Variants in RAB27B observed in about 807,000 individuals in gnomAD.
The protein encoded by RAB27B is ras-related protein Rab-27B.
A neutral mutation model predicts 24.6 loss-of-function variants in RAB27B; 15 were observed. The observed-to-expected ratio is 0.61, with a 90% CI of 0.41 to 0.94. The LOEUF (loss-of-function observed/expected upper bound fraction) is 0.94, where lower values mean the gene tolerates loss of function less well. Ranked by LOEUF, RAB27B falls within the 40% of genes least tolerant of loss-of-function variation. RAB27B has a pLI of 0.00. For missense variants in RAB27B, 261 were observed against 266.8 expected (o/e 0.98, Z 0.15); for synonymous variants, 105 against 92.5 (o/e 1.14, Z -0.78).
At chr18:54,860,835 T>C (rs1311608057) in intron 1 of RAB27B, among the ~76,000 whole-genome samples, 1 of 152,168 alleles carries the variant, frequency 6.6e-6, no homozygotes. Context: ...TTGGACTAAT[T>C]CCATGCTCTG....
chr18:54,768,570 C>G (rs180937380), intron 2 of RAB27B, among the ~76,000 whole-genome samples: 91 of 152,266 alleles, frequency 6.0e-4, no homozygotes, highest in Admixed American at 2.0e-3. Flanking sequence ...TGTCAGCAAT[C>G]TAACTCTCAT....
chr18:54,737,357 C>T (rs938760441), intron 2 of RAB27B, among the ~76,000 whole-genome samples: 1 of 152,170 alleles, frequency 6.6e-6, no homozygotes, highest in African/African-American at 2.4e-5. Context: ...AAAAGTAACT[C>T]AACCTTTATT....
In RAB27B at chr18:54,828,529, C is replaced by T. The variant is rs1023349705; in HGVS notation, c.-191C>T. 1 of 152,334 alleles carries T rather than the reference C, an allele frequency of 6.6e-6. No homozygotes were observed. The highest frequency in any genetic ancestry group is 1.5e-5 in the Non-Finnish European group (1 of 68,142). The allele number at this position is 152,334 out of a possible 1,614,324, so 9.4% of individuals were successfully genotyped here. On this transcript the variant is annotated 5_prime_UTR_variant, in exon 1 of 6. Coordinates refer to ENST00000262094, the MANE Select transcript of RAB27B (RefSeq NM_004163.4). ...CGGACCGCCCGGCCTTGGACCCATCCGGAGCCACAGGTTGGAGGAGATAAG... is the reference window on the plus strand; with the variant it reads ...CGGACCGCCCGGCCTTGGACCCATCTGGAGCCACAGGTTGGAGGAGATAAG...
chr18:54,873,756 CAGAG>C (rs1399756840), intron 1 of RAB27B, among the ~76,000 whole-genome samples: 2 of 137,570 alleles, frequency 1.5e-5, no homozygotes, highest in African/African-American at 5.4e-5. Flanking sequence ...CAGACATAGA[CAGAG>C]TGAGAGAGAG....
At chr18:54,833,865 G>C (rs1283490418) in intron 1 of RAB27B, among the ~76,000 whole-genome samples, 3 of 151,950 alleles carry the variant, frequency 2.0e-5, no homozygotes, top group Admixed American at 6.5e-5. Context: ...TGGAAAGCAG[G>C]TGGCAGAGAG....
At chr18:54,795,877 C>T (rs541499743) in intron 2 of RAB27B, among the ~76,000 whole-genome samples, 2 of 152,222 alleles carry the variant, frequency 1.3e-5, no homozygotes, top group Non-Finnish European at 2.9e-5. Context: ...TTATCATTAG[C>T]ATTTTTATTT....
At chr18:54,829,352 G>A (rs756323788) in intron 1 of RAB27B, among the ~76,000 whole-genome samples, 32 of 152,172 alleles carry the variant, frequency 2.1e-4, no homozygotes, top group Non-Finnish European at 2.9e-4. Context: ...TACTGAAGTA[G>A]GTGAACTGTA....
chr18:54,850,333 G>GATATATATATATATAT (rs35735191), intron 1 of RAB27B, among the ~76,000 whole-genome samples: 2,923 of 94,326 alleles, frequency 0.031, 113 homozygotes, highest in South Asian at 0.04. Context: ...AAACAAACAG[G>GATATATATATATATAT]ATATATATAT....
intron 1 of RAB27B, among the ~76,000 whole-genome samples, chr18:54,855,299 C>T (rs1911738457): frequency 6.6e-6 from 1 of 152,196 alleles, no homozygotes; most frequent in South Asian, 2.1e-4. Context: ...GGCTGCTCAC[C>T]TCCTGCTGTG....
chr18:54,754,047 G>T (rs1399986925), intron 2 of RAB27B, among the ~76,000 whole-genome samples: 2 of 152,158 alleles, frequency 1.3e-5, no homozygotes, highest in Admixed American at 6.5e-5. Flanking sequence ...TTTATAAATT[G>T]CATTAATGAT....
At chr18:54,763,276 T>G (rs1568056847) in intron 2 of RAB27B, among the ~76,000 whole-genome samples, 1 of 152,198 alleles carries the variant, frequency 6.6e-6, no homozygotes, top group Non-Finnish European at 1.5e-5. Flanking sequence ...TGTTAATAAA[T>G]TCATCATTTT....
At chr18:54,825,332 C>T (rs958455613), upstream of RAB27B, among the ~76,000 whole-genome samples, 1 of 152,200 alleles carries the variant, frequency 6.6e-6, no homozygotes, top group South Asian at 2.1e-4. Context: ...TTTTCCTGGA[C>T]GTTTAGTGAA....
intron 2 of RAB27B, among the ~76,000 whole-genome samples, chr18:54,738,238 A>G (rs1350349714): frequency 6.6e-6 from 1 of 152,180 alleles, no homozygotes; most frequent in Non-Finnish European, 1.5e-5. Flanking sequence ...CATAAGAATA[A>G]CTGGAAAAGA....
intron 1 of RAB27B, among the ~76,000 whole-genome samples, chr18:54,832,823 A>T (rs1910738095): frequency 6.6e-6 from 1 of 152,172 alleles, no homozygotes. Context: ...TGATGATTGC[A>T]TGTGGCGGTG....
At chr18:54,787,728 TA>T (rs1263474028) in intron 2 of RAB27B, among the ~76,000 whole-genome samples, 2,441 of 140,568 alleles carry the variant, frequency 0.017, 47 homozygotes, top group African/African-American at 0.05. Context: ...CTGACTGGAT[TA>T]AAAAAAAAAA....
chr18:54,837,784 A>G (rs1910953854), intron 1 of RAB27B, among the ~76,000 whole-genome samples: 1 of 152,138 alleles, frequency 6.6e-6, no homozygotes, highest in African/African-American at 2.4e-5. Flanking sequence ...AATTATATAT[A>G]TGTGTGTATA....
chr18:54,855,473 G>A lies in RAB27B; in HGVS notation c.-19-22094G>A, dbSNP rs79651892. The stretch of plus-strand genomic sequence containing the variant: ...CAAAGGGTGGTGTCCAAGGTGTTCT[G>A]TTGCTCCATTAGCAGCCTTGGATAC... On this transcript the variant is annotated intron_variant, in intron 1 of 5. Transcript: ENST00000262094. Among the ~76,000 whole-genome samples, 343 of 152,272 alleles carry A rather than the reference G, an allele frequency of 2.3e-3. 7 individuals carry two copies. The highest frequency in any genetic ancestry group is 8.1e-3 in the African/African-American group (336 of 41,542).
intron 2 of RAB27B, among the ~76,000 whole-genome samples, chr18:54,812,247 CAG>C (rs1160635134): frequency 6.6e-6 from 1 of 151,476 alleles, no homozygotes; most frequent in Non-Finnish European, 1.5e-5. Context: ...AGTTGGCAAA[CAG>C]AAATGAATGA....
intron 1 of RAB27B, among the ~76,000 whole-genome samples, chr18:54,840,290 G>T (rs951449924): frequency 9.2e-5 from 14 of 152,152 alleles, no homozygotes; most frequent in African/African-American, 2.7e-4. Context: ...GTGCCATTTT[G>T]CAGCCCCCAA....
Sources: allele counts gnomAD v4.1 joint callset (sites outside exome capture counted in the v4.1 genomes callset), GRCh38; gene constraint gnomAD v4.1.1; transcripts MANE v1.5; gene names NCBI Gene and HGNC (gene_info 2026-07-23, HGNC 2026-07-21).